The following PIGN variants were observed in gnomAD, a reference collection of about 807,000 sequenced individuals.
PIGN encodes GPI ethanolamine phosphate transferase 1.
In PIGN, 117 loss-of-function variants were observed where a neutral mutation model predicts 125.4. The ratio of observed to expected loss-of-function variants is 0.93; its 90% CI spans 0.80 to 1.09. The LOEUF (loss-of-function observed/expected upper bound fraction) is 1.09, where lower values mean the gene tolerates loss of function less well. Among genes scored for constraint, PIGN ranks in the 50% least tolerant of loss-of-function variants. The pLI, the probability that PIGN is intolerant of heterozygous loss-of-function variation, is 0.00. For synonymous variants in PIGN, 392 were observed against 377.8 expected (o/e 1.04, Z -0.44); for missense variants, 1,075 against 1,094.9 (o/e 0.98, Z 0.26).
At chr18:62,181,329 AAC>A (rs2037708782) in intron 1 of PIGN, among the ~76,000 whole-genome samples, 1 of 152,154 alleles carries the variant, frequency 6.6e-6, no homozygotes, top group Non-Finnish European at 1.5e-5. Flanking sequence ...TTTTCTCCCC[AAC>A]ACAGTCAAAC....
chr18:62,040,091 C>A (rs1409521611), downstream of PIGN, among the ~76,000 whole-genome samples: 3 of 102,592 alleles, frequency 2.9e-5, no homozygotes, highest in African/African-American at 1.2e-4. Context: ...ATGCCGCACC[C>A]CATGTTTAGG....
intron 1 of PIGN, among the ~76,000 whole-genome samples, chr18:62,166,986 G>A (rs901789898): frequency 2.0e-5 from 3 of 152,166 alleles, no homozygotes; most frequent in Non-Finnish European, 4.4e-5. Flanking sequence ...GTTGATAGGT[G>A]CAGTAAACCA....
At chr18:62,090,393 A>AT in intron 24 of PIGN, 83 bp downstream of exon 24, 1 of 740,840 alleles carries the variant, frequency 1.3e-6, no homozygotes, top group South Asian at 2.0e-5. Context: ...AGTAGAAAGA[A>AT]TTTTTGAAAT....
rs199840936 is a variant in PIGN, at chr18:62,134,091, A to G, written c.1172+4152T>C. 2.6e-5 allele frequency among the ~76,000 whole-genome samples: 4 copies of G among 152,100 alleles called. No individual in the cohort carries two copies. The East Asian group carries it at 7.7e-4, about 29-fold the overall frequency. On this transcript the variant is annotated intron_variant, in intron 14 of 30. Transcript: ENST00000640252. Reference sequence around the variant, plus strand: ...ACCTCCTCTTTTGGTGACCTTGGTTACTTTCATAATCTAATACCTAAGGCT... The same window carrying G: ...ACCTCCTCTTTTGGTGACCTTGGTTGCTTTCATAATCTAATACCTAAGGCT...
intron 14 of PIGN, 95 bp from the exon 15 acceptor site, chr18:62,114,734 T>C (rs905311838): frequency 1.8e-5 from 10 of 553,610 alleles, no homozygotes; most frequent in African/African-American, 1.6e-4. Context: ...ATAGTGAAAA[T>C]TACAAAACAG....
rs779164533 is a variant in PIGN at position 62,157,794 on chromosome 18, T to C, written c.236A>G (p.His79Arg). The C allele has an allele frequency of 5.6e-6, 9 of 1,610,990 alleles. No individual in the cohort carries two copies. In the South Asian group the frequency reaches 7.7e-5, roughly 14 times the overall value. ...RAPFIRNIIMHEGSWGISHTR... is the reference protein window; with the variant it reads ...RAPFIRNIIMREGSWGISHTR... ...ATGAGATATGCCCCAGCTGCCTTCATGCATTATGATATTCCTAAAAGATAT... is the reference window on the plus strand; with the variant it reads ...ATGAGATATGCCCCAGCTGCCTTCACGCATTATGATATTCCTAAAAGATAT... The change falls in exon 5 of 31, where the codon CAT (histidine) becomes CGT (arginine). Residue 79 changes from histidine (H) to arginine (R), a missense_variant. This residue lies in a region of PIGN where 152 missense variants were observed against 162.9 expected (regional missense o/e 0.93). Transcript: ENST00000640252.
In PIGN at chr18:62,071,863, C is replaced by CAT. The variant is rs61508545; in HGVS notation, c.2672+808_2672+809dup. On this transcript the variant is annotated intron_variant, in intron 30 of 30. Coordinates refer to ENST00000640252, the MANE Select transcript of PIGN (RefSeq NM_176787.5). ...CGTTTTTTAGACTGTACTCCTTTTCCATATATATATATATATATATATATA... is the reference window on the plus strand; with the variant it reads ...CGTTTTTTAGACTGTACTCCTTTTCCATATATATATATATATATATATATATA... Among the ~76,000 whole-genome samples the CAT allele has an allele frequency of 9.2e-3, 709 of 77,438 alleles. 12 individuals are homozygous for CAT. The highest frequency in any genetic ancestry group is 0.017 in the East Asian group (40 of 2,400). 50.8% of individuals were successfully genotyped at this position (77,438 alleles called of 152,430 possible). A position where few individuals can be genotyped will look rare whatever the true frequency, so the allele number is the denominator to read the frequency against.
At chr18:62,055,337 A>C (rs1249897860) in intron 30 of PIGN, among the ~76,000 whole-genome samples, 1 of 152,230 alleles carries the variant, frequency 6.6e-6, no homozygotes, top group African/African-American at 2.4e-5. Flanking sequence ...GAACTACTGA[A>C]ATACGCAACA....
chr18:62,148,294 T>G lies in PIGN; in HGVS notation c.594A>C (p.Lys198Asn), dbSNP rs1287283840. 6.5e-7 allele frequency: 1 copy of G among 1,533,630 alleles called. No homozygotes were observed. Among genetic ancestry groups the G allele is most frequent in the Non-Finnish European group, 8.8e-7 (1 of 1,137,044 alleles). ...AAAAAACTATTTTCTCTTCATTTAT[T>G]TTAGAAAACAAAGACTGGTTGTTTC... ...HARNNQSLFS[K>N]INEEKIVFFL... Residue 198 changes from lysine to asparagine, a missense_variant, in exon 8 of 31, where the codon AAA becomes AAC. Lys to Asn is a moderately conservative substitution (Grantham distance 94). Coordinates refer to ENST00000640252, the MANE Select transcript of PIGN (RefSeq NM_176787.5).
At chr18:62,049,751 G>GT (rs1456462011) in intron 30 of PIGN, among the ~76,000 whole-genome samples, 5 of 151,914 alleles carry the variant, frequency 3.3e-5, no homozygotes, top group Non-Finnish European at 7.4e-5. Context: ...TGCTTTTGGT[G>GT]TTTTAGACAT....
Position 62,045,869 on chromosome 18 carries a change from C to T in PIGN, c.2783G>A (p.Ser928Asn), listed in dbSNP as rs201397391. The change falls in exon 31 of 31, where the codon AGT becomes AAT. Residue 928 changes from serine to asparagine, a missense_variant. By Grantham distance (46) the Ser-to-Asn change is conservative (BLOSUM62 1). Transcript: ENST00000640252. ...GCTTCAGCAACCTCACATGAAGTGA[C>T]TTTTGGGTTTGCCACATAGTCTGAG... ...KKLRLCGKPK[S>N]HFM 1,789 of 1,613,826 alleles carry T rather than the reference C, an allele frequency of 1.1e-3. 3 individuals are homozygous for T. The highest frequency in any genetic ancestry group is 1.1e-3 in the Non-Finnish European group (1,270 of 1,179,778).
At chr18:62,027,820 T>C (rs1449193762) in intron 23 of PIGN, among the ~76,000 whole-genome samples, 6 of 152,038 alleles carry the variant, frequency 3.9e-5, no homozygotes, top group Non-Finnish European at 7.4e-5. Flanking sequence ...GGTGGGAGGA[T>C]TGCTTGAGCC....
intron 23 of PIGN, among the ~76,000 whole-genome samples, chr18:62,020,749 G>A (rs1409366613): frequency 6.7e-6 from 1 of 150,042 alleles, no homozygotes; most frequent in Non-Finnish European, 1.5e-5. Context: ...GGAGATCCCA[G>A]ACCATCCTGG....
intron 1 of PIGN, among the ~76,000 whole-genome samples, chr18:62,178,279 C>T (rs2037596071): frequency 6.6e-6 from 1 of 151,912 alleles, no homozygotes; most frequent in African/African-American, 2.4e-5. Flanking sequence ...ATGCAGTCTC[C>T]TGGTTGCTGT....
chr18:62,177,527 G>A (rs1463621602), intron 1 of PIGN, among the ~76,000 whole-genome samples: 2 of 152,072 alleles, frequency 1.3e-5, no homozygotes, highest in African/African-American at 4.8e-5. Flanking sequence ...CCTCAAGGGT[G>A]GCTTCCACCA....
At chr18:62,106,495 C>A (rs933853362) in intron 19 of PIGN, among the ~76,000 whole-genome samples, 1 of 152,064 alleles carries the variant, frequency 6.6e-6, no homozygotes, top group African/African-American at 2.4e-5. Flanking sequence ...TTGCCTGGTC[C>A]ATTATCAAGA....
chr18:62,039,032 G>C (rs2030299564), downstream of PIGN, among the ~76,000 whole-genome samples: 1 of 151,856 alleles, frequency 6.6e-6, no homozygotes, highest in Non-Finnish European at 1.5e-5. Flanking sequence ...ACATGGCTCA[G>C]AGAGGAGTTA....
intron 13 of PIGN, 80 bp from the exon 14 acceptor site, chr18:62,138,378 T>C (rs1191343492): frequency 1.4e-6 from 2 of 1,475,354 alleles, no homozygotes; most frequent in African/African-American, 2.9e-5. Flanking sequence ...ATTAAAATGA[T>C]TCTTTAGGGA....
intron 1 of PIGN, among the ~76,000 whole-genome samples, chr18:62,164,442 A>T (rs899740900): frequency 6.6e-6 from 1 of 152,204 alleles, no homozygotes; most frequent in African/African-American, 2.4e-5. Flanking sequence ...AGAAAACTTA[A>T]ATCATGGTAG....
Sources: allele counts gnomAD v4.1 joint callset (sites outside exome capture counted in the v4.1 genomes callset), GRCh38; gene constraint gnomAD v4.1.1; regional missense constraint gnomAD v4.1.1; transcripts MANE v1.5; gene names NCBI Gene and HGNC (gene_info 2026-07-23, HGNC 2026-07-21).